PTPRD: variants seen among roughly 807,000 people sequenced by gnomAD.
The protein encoded by PTPRD is protein tyrosine phosphatase receptor type D, also known as receptor-type tyrosine-protein phosphatase delta.
Under a neutral mutation model 214.5 loss-of-function variants are expected in PTPRD, and 34 were observed. The ratio of observed to expected loss-of-function variants is 0.16; its 90% confidence interval spans 0.12 to 0.21. The LOEUF is 0.21. Among genes scored for constraint, PTPRD ranks in the 10% least tolerant of loss-of-function variants. PTPRD has a pLI of 1.00. For missense variants in PTPRD, 2,545 were observed against 2,398.7 expected (o/e 1.06, Z -1.27); for synonymous variants, 1,128 against 845.7 (o/e 1.33, Z -5.79).
At chr9:8,550,655 A>G (rs1009702938) in intron 14 of PTPRD, among the ~76,000 whole-genome samples, 11 of 152,232 alleles carry the variant, frequency 7.2e-5, no homozygotes, top group Admixed American at 2.0e-4. Context: ...ACCTAAATAA[A>G]TCTAAATCCA....
chr9:10,165,622 T>C (rs187501165), intron 3 of PTPRD, among the ~76,000 whole-genome samples: 1 of 151,770 alleles, frequency 6.6e-6, no homozygotes, highest in African/African-American at 2.4e-5. Flanking sequence ...TGCTTTCAAA[T>C]TAAGAATAAA....
intron 10 of PTPRD, among the ~76,000 whole-genome samples, chr9:9,109,985 G>A (rs558864900): frequency 2.6e-5 from 4 of 151,952 alleles, no homozygotes; most frequent in African/African-American, 9.7e-5. Context: ...GGTACTCAAC[G>A]AAATGAGCTT....
chr9:10,208,330 C>T (rs190063621), intron 3 of PTPRD, among the ~76,000 whole-genome samples: 33 of 152,084 alleles, frequency 2.2e-4, no homozygotes, highest in East Asian at 3.9e-4. Flanking sequence ...CTGGCTAACA[C>T]GGTGAAACCC....
chr9:8,965,718 G>C (rs755996083), intron 11 of PTPRD, among the ~76,000 whole-genome samples: 35 of 152,168 alleles, frequency 2.3e-4, no homozygotes, highest in Non-Finnish European at 2.9e-4. Flanking sequence ...TTCCCCTTGA[G>C]AACTGGAAGA....
At chr9:8,934,488 TATATAA>T (rs1567100663) in intron 11 of PTPRD, among the ~76,000 whole-genome samples, 8,353 of 21,534 alleles carry the variant, frequency 0.39, 1,425 homozygotes, top group Middle Eastern at 0.62. Flanking sequence ...AATATATATA[TATATAA>T]ATATATATAT....
intron 14 of PTPRD, among the ~76,000 whole-genome samples, chr9:8,573,159 G>T (rs1200628057): frequency 6.6e-6 from 1 of 151,858 alleles, no homozygotes; most frequent in Non-Finnish European, 1.5e-5. Flanking sequence ...AAAGCCCTAG[G>T]TATGAATGAA....
At chr9:8,429,287 CT>C (rs1554945503) in intron 35 of PTPRD, among the ~76,000 whole-genome samples, 1 of 152,076 alleles carries the variant, frequency 6.6e-6, no homozygotes, top group Non-Finnish European at 1.5e-5. Flanking sequence ...AATTTGTGAC[CT>C]GGTTTTACCA....
intron 7 of PTPRD, among the ~76,000 whole-genome samples, chr9:9,703,596 A>G (rs2097542137): frequency 6.6e-6 from 1 of 152,182 alleles, no homozygotes; most frequent in Non-Finnish European, 1.5e-5. Context: ...TGCATAGCAT[A>G]TTAATTTAAA....
intron 8 of PTPRD, among the ~76,000 whole-genome samples, chr9:9,557,046 G>A (rs777827781): frequency 6.6e-6 from 1 of 152,176 alleles, no homozygotes; most frequent in Non-Finnish European, 1.5e-5. Context: ...ATTATTTTGA[G>A]TGTGAGAGAT....
At chr9:9,470,359 A>G (rs1428362618) in intron 8 of PTPRD, among the ~76,000 whole-genome samples, 1 of 152,210 alleles carries the variant, frequency 6.6e-6, no homozygotes, top group Non-Finnish European at 1.5e-5. Context: ...AAGAAGTTTC[A>G]TTGATTTCCA....
chr9:8,582,459 G>C (rs926577190), intron 14 of PTPRD, among the ~76,000 whole-genome samples: 4 of 152,072 alleles, frequency 2.6e-5, no homozygotes, highest in African/African-American at 9.7e-5. Flanking sequence ...ATCATAATGA[G>C]GTAGATAGGC....
At chr9:8,477,102 G>T (rs1464547675) in intron 30 of PTPRD, among the ~76,000 whole-genome samples, 1 of 150,426 alleles carries the variant, frequency 6.6e-6, no homozygotes. Context: ...CATATGAGCT[G>T]AAAGAACTTG....
At chr9:9,875,587 T>G (rs1042714999) in intron 5 of PTPRD, among the ~76,000 whole-genome samples, 5 of 152,106 alleles carry the variant, frequency 3.3e-5, no homozygotes, top group African/African-American at 1.2e-4. Flanking sequence ...AATTATTAAA[T>G]TATCTAATAT....
At chr9:10,354,982 G>A (rs749867370) in intron 2 of PTPRD, among the ~76,000 whole-genome samples, 1 of 152,126 alleles carries the variant, frequency 6.6e-6, no homozygotes, top group Non-Finnish European at 1.5e-5. Context: ...CTAAATAGAT[G>A]TATACTTCCT....
intron 14 of PTPRD, among the ~76,000 whole-genome samples, chr9:8,609,412 T>G (rs74574803): frequency 0.023 from 3,508 of 152,338 alleles, 144 homozygotes; most frequent in African/African-American, 0.079. Flanking sequence ...TTCTTACCTT[T>G]ATTTTAGATT....
At chr9:8,918,241 A>G (rs2098800635) in intron 11 of PTPRD, among the ~76,000 whole-genome samples, 1 of 152,208 alleles carries the variant, frequency 6.6e-6, no homozygotes, top group Admixed American at 6.5e-5. Context: ...CCAGTCTAAC[A>G]AAACATACTG....
At chr9:9,391,599 T>C (rs1586903630) in intron 9 of PTPRD, among the ~76,000 whole-genome samples, 2 of 152,290 alleles carry the variant, frequency 1.3e-5, no homozygotes, top group East Asian at 3.9e-4. Context: ...TCTGTACATG[T>C]GAGTCCTCAT....
At chr9:8,478,431 C>A (rs2096810696) in intron 30 of PTPRD, among the ~76,000 whole-genome samples, 1 of 152,112 alleles carries the variant, frequency 6.6e-6, no homozygotes, top group Admixed American at 6.5e-5. Flanking sequence ...TACCCTTATT[C>A]TTTATTTCAA....
At chr9:10,060,041 G>C (rs1166281340) in intron 3 of PTPRD, among the ~76,000 whole-genome samples, 1 of 152,020 alleles carries the variant, frequency 6.6e-6, no homozygotes, top group African/African-American at 2.4e-5. Flanking sequence ...TTCTAGGTTA[G>C]ATGCTTCCGA....
Sources: allele counts gnomAD v4.1 joint callset (sites outside exome capture counted in the v4.1 genomes callset), GRCh38; gene constraint gnomAD v4.1.1; transcripts MANE v1.5; gene names NCBI Gene and HGNC (gene_info 2026-07-23, HGNC 2026-07-21).